AFMID: variants seen among roughly 807,000 people sequenced by gnomAD.
AFMID encodes the protein kynurenine formamidase.
In AFMID, 39 loss-of-function variants were observed where a neutral mutation model predicts 47.5. The observed-to-expected ratio is 0.82, with a 90% CI of 0.64 to 1.07. The LOEUF (loss-of-function observed/expected upper bound fraction) is 1.07, where lower values mean the gene tolerates loss of function less well. Ranked by LOEUF, AFMID falls within the 50% of genes least tolerant of loss-of-function variation. AFMID has a pLI of 0.00. For synonymous variants in AFMID, 130 were observed against 153.2 expected (o/e 0.85, Z 1.12); for missense variants, 375 against 387.5 (o/e 0.97, Z 0.27).
chr17:78,204,640 C>T lies in AFMID; in HGVS notation c.309-16C>T, dbSNP rs368029844. 8.1e-6 allele frequency: 13 copies of T among 1,613,920 alleles called. No homozygotes were observed. In the African/African-American group the frequency reaches 1.7e-4, roughly 22 times the overall value. On this transcript the variant is annotated splice_polypyrimidine_tract_variant and intron_variant, in intron 4 of 10. Transcript: ENST00000409257. Reference sequence around the variant, plus strand: ...GCCAAGCTGCCTCCAGCTGTCACATCTGTGTGTCTCTGCAGTAAGGATGAG... The same window carrying T: ...GCCAAGCTGCCTCCAGCTGTCACATTTGTGTGTCTCTGCAGTAAGGATGAG...
intron 10 of AFMID, among the ~76,000 whole-genome samples, chr17:78,206,324 G>GTC (rs2076379755): frequency 7.3e-6 from 1 of 137,178 alleles, no homozygotes; most frequent in Non-Finnish European, 1.6e-5. Flanking sequence ...GAGCGACAGA[G>GTC]TAAGACTCTG....
chr17:78,187,735 C>T (rs1258429211), intron 1 of AFMID, among the ~76,000 whole-genome samples: 1 of 151,850 alleles, frequency 6.6e-6, no homozygotes, highest in Non-Finnish European at 1.5e-5. Context: ...TGGCGGATCA[C>T]GAGGTCAGGA....
At position 78,202,759 on chromosome 17, in the gene AFMID, G is replaced by T; in HGVS notation, c.308+8G>T. 6.4e-7 allele frequency: 1 copy of T among 1,555,178 alleles called. No individual in the cohort carries two copies. Among genetic ancestry groups the T allele is most frequent in the East Asian group, 2.4e-5 (1 of 41,674 alleles). On this transcript the variant is annotated splice_region_variant and intron_variant, in intron 4 of 10. Coordinates refer to ENST00000409257, the MANE Select transcript of AFMID (RefSeq NM_001010982.5). ...ATACTGGCAGAGCGGAAGGTGAGTC[G>T]GGGGATGTGGATGGTGGACTGCAAG...
In AFMID at chr17:78,207,072, C is replaced by A; in HGVS notation, c.*135C>A. 2.1e-6 allele frequency: 2 copies of A among 941,078 alleles called. No individual in the cohort carries two copies. Among genetic ancestry groups the A allele is most frequent in the Non-Finnish European group, 3.4e-6 (2 of 584,978 alleles). The allele number at this position is 941,078 out of a possible 1,614,324, so 58.3% of individuals were successfully genotyped here. ...AGCCTTGCTGTGTCTGTCTGCCCGG[C>A]AAGAGTCCATTCTCACTGCTGGGAC... On this transcript the variant is annotated 3_prime_UTR_variant, in exon 11 of 11. Transcript: ENST00000409257.
chr17:78,188,707 C>T (rs776571972), intron 1 of AFMID, among the ~76,000 whole-genome samples: 10 of 152,280 alleles, frequency 6.6e-5, no homozygotes, highest in South Asian at 4.1e-4. Flanking sequence ...CGCCATTCTC[C>T]GGCCTCAGCC....
chr17:78,204,607 G>T, intron 4 of AFMID, 49 bp from the exon 5 acceptor site: 1 of 1,589,250 alleles, frequency 6.3e-7, no homozygotes, highest in Non-Finnish European at 8.6e-7. Flanking sequence ...ACAGGAAGCA[G>T]CGTAGTGGCC....
intron 1 of AFMID, among the ~76,000 whole-genome samples, chr17:78,190,116 C>G (rs1000693784): frequency 1.3e-5 from 2 of 151,708 alleles, no homozygotes; most frequent in Non-Finnish European, 2.9e-5. Flanking sequence ...CGTGAGCCAC[C>G]GCGCCCAGCC....
intron 2 of AFMID, among the ~76,000 whole-genome samples, chr17:78,195,098 G>A (rs2076076687): frequency 6.6e-6 from 1 of 152,136 alleles, no homozygotes; most frequent in Admixed American, 6.6e-5. Flanking sequence ...CCCTAGAGAA[G>A]TCAAATTAAT....
chr17:78,198,359 G>A (rs2076161824), intron 2 of AFMID, among the ~76,000 whole-genome samples: 1 of 151,784 alleles, frequency 6.6e-6, no homozygotes, highest in Non-Finnish European at 1.5e-5. Context: ...AGCACTTTGG[G>A]AGGCCAAGGC....
At chr17:78,205,237 T>A (rs1254010719) in intron 7 of AFMID, 47 bp downstream of exon 7, 1 of 1,559,400 alleles carries the variant, frequency 6.4e-7, no homozygotes, top group Admixed American at 1.8e-5. Context: ...CATCTCCCCA[T>A]GAGCCTTGGG....
Position 78,205,997 on chromosome 17 carries a change from G to T in AFMID, c.832G>T (p.Asp278Tyr). The T allele has an allele frequency of 6.2e-7, 1 of 1,614,082 alleles. No individual in the cohort carries two copies. The highest frequency in any genetic ancestry group is 8.5e-7 in the Non-Finnish European group (1 of 1,180,016). ...CTCATTTGAAGAGCTCCACGATGTG[G>T]ACCACTTTGAAATTGTTGAGAATCT... ...KASFEELHDV[D>Y]HFEIVENLTQ... The change falls in exon 10 of 11, where the codon GAC (aspartate) becomes TAC (tyrosine). Residue 278 changes from aspartate (D) to tyrosine (Y), a missense_variant. By Grantham distance (160) the Asp-to-Tyr change is radical. Coordinates refer to ENST00000409257, the MANE Select transcript of AFMID (RefSeq NM_001010982.5).
intron 2 of AFMID, among the ~76,000 whole-genome samples, chr17:78,196,458 C>T (rs149914298): frequency 6.6e-6 from 1 of 152,094 alleles, no homozygotes; most frequent in South Asian, 2.1e-4. Flanking sequence ...GGGGGCAGAT[C>T]ACTTGAGGTC....
intron 2 of AFMID, among the ~76,000 whole-genome samples, chr17:78,198,276 C>T (rs1017287491): frequency 3.3e-5 from 5 of 151,566 alleles, no homozygotes; most frequent in African/African-American, 7.3e-5. Flanking sequence ...TGGCCAACAC[C>T]GTGAAAACCC....
In AFMID at chr17:78,205,154, G is replaced by T; in HGVS notation, c.529G>T (p.Asp177Tyr). ...CCTGGCTGCCATGATGCTCCTGGCC[G>T]ACTGGACCAAGCATGGGGTCACGCC... ...AHLAAMMLLA[D>Y]WTKHGVTPNL... Residue 177 changes from aspartate to tyrosine, a missense_variant, in exon 7 of 11, where the codon GAC (aspartate) becomes TAC (tyrosine). Transcript: ENST00000409257. 12 of 1,612,902 alleles carry T rather than the reference G, an allele frequency of 7.4e-6. No individual in the cohort carries two copies. Among genetic ancestry groups the T allele is most frequent in the Non-Finnish European group, 1.0e-5 (12 of 1,179,548 alleles).
In AFMID at chr17:78,200,441, G is replaced by A. The variant is rs557011411; in HGVS notation, c.155-2058G>A. ...TAACCAGCTGGGATTGCAGGTTCCC[G>A]GTTGGTATTTCCTTATTTGGAAAGA... is the stretch of plus-strand genomic sequence containing the variant. On this transcript the variant is annotated intron_variant, in intron 2 of 10. Transcript: ENST00000409257. Among the ~76,000 whole-genome samples, 15 of 152,246 alleles carry A rather than the reference G, an allele frequency of 9.9e-5. No individual in the cohort carries two copies. In the South Asian group the frequency reaches 1.9e-3, roughly 19 times the overall value.
At position 78,205,420 on chromosome 17, in the gene AFMID, A is replaced by T; in HGVS notation, c.566-20A>T. On this transcript the variant is annotated intron_variant, in intron 7 of 10. Transcript: ENST00000409257. ...GCTCCGCCTGGAGCCTGGCCCTGTG[A>T]CAATTCTGTACCTTCACAGGCTTTT... The T allele has an allele frequency of 6.2e-7, 1 of 1,613,718 alleles. No individual in the cohort carries two copies. Among genetic ancestry groups the T allele is most frequent in the Non-Finnish European group, 8.5e-7 (1 of 1,179,648 alleles).
chr17:78,205,809 C>G, intron 9 of AFMID, 71 bp downstream of exon 9: 1 of 1,599,808 alleles, frequency 6.3e-7, no homozygotes, highest in Non-Finnish European at 8.5e-7. Flanking sequence ...CTTTCTTTTA[C>G]CCAAGTGGAC....
At chr17:78,205,381 GCTGGCCCTGCCTTGCTCCGCCTGGAGC>G in intron 7 of AFMID, 32 bp from the exon 8 acceptor site, 1 of 1,589,626 alleles carries the variant, frequency 6.3e-7, no homozygotes, top group Non-Finnish European at 8.6e-7. Flanking sequence ...GTGGGGGTGG[GCTGGCCCTGCCTTGCTCCGCCTGGAGC>G]CTGGCCCTGT....
At chr17:78,194,360 A>T (rs2145854550) in intron 2 of AFMID, among the ~76,000 whole-genome samples, 1 of 152,214 alleles carries the variant, frequency 6.6e-6, no homozygotes, top group South Asian at 2.1e-4. Flanking sequence ...CCTGGCCTCG[A>T]GTGATCTGCT....
Sources: allele counts gnomAD v4.1 joint callset (sites outside exome capture counted in the v4.1 genomes callset), GRCh38; gene constraint gnomAD v4.1.1; transcripts MANE v1.5; gene names NCBI Gene and HGNC (gene_info 2026-07-23, HGNC 2026-07-21).